Variants in ADAMTSL1 observed in about 807,000 individuals in gnomAD.
ADAMTSL1 encodes the protein ADAMTS-like protein 1.
A neutral mutation model predicts 201.8 loss-of-function variants in ADAMTSL1; 126 were observed. The observed-to-expected ratio is 0.62, with a 90% CI of 0.54 to 0.72. The LOEUF (loss-of-function observed/expected upper bound fraction) is 0.72. ADAMTSL1 is among the 30% of genes least tolerant of loss of function. The pLI is 0.00. For missense variants in ADAMTSL1, 2,679 were observed against 2,277.8 expected (o/e 1.18, Z -3.59); for synonymous variants, 1,121 against 903.4 (o/e 1.24, Z -4.32).
chr9:18,007,002 A>G (rs1819855196), intron 1 of ADAMTSL1, among the ~76,000 whole-genome samples: 1 of 152,050 alleles, frequency 6.6e-6, no homozygotes, highest in Non-Finnish European at 1.5e-5. Flanking sequence ...CTCATTTTTA[A>G]AGTGGTAGAA....
At chr9:18,200,330 T>C (rs911119742) in intron 2 of ADAMTSL1, among the ~76,000 whole-genome samples, 1 of 152,088 alleles carries the variant, frequency 6.6e-6, no homozygotes, top group Non-Finnish European at 1.5e-5. Flanking sequence ...AATGTTTTGC[T>C]TTGATTATTA....
chr9:18,595,674 C>G (rs557656149), intron 4 of ADAMTSL1, among the ~76,000 whole-genome samples: 1 of 152,222 alleles, frequency 6.6e-6, no homozygotes. Flanking sequence ...GGGCAAATTT[C>G]GGGTCCACTG....
intron 1 of ADAMTSL1, among the ~76,000 whole-genome samples, chr9:18,489,954 A>T (rs1475921119): frequency 6.6e-6 from 1 of 152,180 alleles, no homozygotes; most frequent in African/African-American, 2.4e-5. Flanking sequence ...TAGTAGTATT[A>T]TGAGGATCAA....
chr9:18,802,947 A>G (rs906793675), intron 20 of ADAMTSL1, among the ~76,000 whole-genome samples: 2 of 152,218 alleles, frequency 1.3e-5, no homozygotes, highest in Non-Finnish European at 2.9e-5. Flanking sequence ...TTACATTTTA[A>G]TATTGACTAA....
chr9:18,199,628 T>G (rs1432841438), intron 2 of ADAMTSL1, among the ~76,000 whole-genome samples: 4 of 152,102 alleles, frequency 2.6e-5, no homozygotes, highest in Non-Finnish European at 5.9e-5. Flanking sequence ...TGGCTTAAAG[T>G]CCAAAGCTGG....
At chr9:18,599,624 A>C (rs145899119) in intron 4 of ADAMTSL1, among the ~76,000 whole-genome samples, 203 of 152,186 alleles carry the variant, frequency 1.3e-3, no homozygotes, top group African/African-American at 4.7e-3. Context: ...TCAAAGTATC[A>C]TTTTTTAGTT....
At chr9:18,606,052 G>T (rs1824991161) in intron 4 of ADAMTSL1, among the ~76,000 whole-genome samples, 2 of 152,160 alleles carry the variant, frequency 1.3e-5, no homozygotes. Flanking sequence ...TTTTGGCAGG[G>T]CTTGGCGAGA....
At chr9:18,347,065 T>G (rs1312682130) in intron 2 of ADAMTSL1, among the ~76,000 whole-genome samples, 1 of 152,170 alleles carries the variant, frequency 6.6e-6, no homozygotes, top group Non-Finnish European at 1.5e-5. Flanking sequence ...TTGACTCAAT[T>G]CCTCCAAGCT....
chr9:18,413,760 G>A (rs191929843), intron 2 of ADAMTSL1, among the ~76,000 whole-genome samples: 103 of 152,214 alleles, frequency 6.8e-4, no homozygotes, highest in African/African-American at 2.4e-3. Flanking sequence ...TGGTTGTAAA[G>A]TCTCTTTCCT....
At chr9:18,290,983 T>C (rs10963558) in intron 2 of ADAMTSL1, among the ~76,000 whole-genome samples, 1 of 151,906 alleles carries the variant, frequency 6.6e-6, no homozygotes, top group African/African-American at 2.4e-5. Context: ...GGGTTTCACC[T>C]TGTTAGCCAG....
intron 20 of ADAMTSL1, among the ~76,000 whole-genome samples, chr9:18,801,103 G>C (rs2063334853): frequency 6.6e-6 from 1 of 152,186 alleles, no homozygotes. Context: ...CAAGTGCTAA[G>C]GGCCCTGTAA....
intron 1 of ADAMTSL1, among the ~76,000 whole-genome samples, chr9:17,908,086 G>T (rs898316025): frequency 1.3e-5 from 2 of 152,092 alleles, no homozygotes; most frequent in South Asian, 4.2e-4. Flanking sequence ...GGCTGAGAGA[G>T]GACCGAGAAT....
intron 1 of ADAMTSL1, among the ~76,000 whole-genome samples, chr9:18,022,267 G>A (rs1036790634): frequency 6.6e-6 from 1 of 152,116 alleles, no homozygotes; most frequent in Non-Finnish European, 1.5e-5. Flanking sequence ...TGACCTTAGG[G>A]AAGTCATAGA....
chr9:18,727,961 C>A (rs965019231), intron 15 of ADAMTSL1, among the ~76,000 whole-genome samples: 10 of 151,944 alleles, frequency 6.6e-5, no homozygotes, highest in Non-Finnish European at 1.3e-4. Flanking sequence ...GCCCCTGTAA[C>A]CCCAGCTACT....
chr9:18,351,968 A>G (rs1055862898), intron 2 of ADAMTSL1, among the ~76,000 whole-genome samples: 1 of 152,160 alleles, frequency 6.6e-6, no homozygotes, highest in African/African-American at 2.4e-5. Context: ...ATTACAGTCA[A>G]TCACTCCGTA....
chr9:18,220,701 C>G (rs1830223872), intron 2 of ADAMTSL1, among the ~76,000 whole-genome samples: 1 of 151,950 alleles, frequency 6.6e-6, no homozygotes, highest in Non-Finnish European at 1.5e-5. Context: ...CATTGTGACC[C>G]AATTTCCTCA....
chr9:18,517,432 T>C (rs1818422551), intron 2 of ADAMTSL1, among the ~76,000 whole-genome samples: 3 of 151,324 alleles, frequency 2.0e-5, no homozygotes, highest in Admixed American at 2.0e-4. Flanking sequence ...TTTTTTTTTA[T>C]TATACTTTAA....
intron 23 of ADAMTSL1, among the ~76,000 whole-genome samples, chr9:18,864,992 A>T (rs1827421033): frequency 6.6e-6 from 1 of 151,054 alleles, no homozygotes; most frequent in Non-Finnish European, 1.5e-5. Context: ...TCAATCACAC[A>T]TTTTTTTTCT....
intron 2 of ADAMTSL1, among the ~76,000 whole-genome samples, chr9:18,449,726 G>C (rs979310060): frequency 1.3e-5 from 2 of 152,102 alleles, no homozygotes; most frequent in African/African-American, 4.8e-5. Flanking sequence ...GATCTAAACA[G>C]AAAATAGATA....
Sources: gnomAD v4.1 joint callset for allele counts (sites outside exome capture counted in the v4.1 genomes callset) on GRCh38, gnomAD v4.1.1 for gene constraint, MANE v1.5 for transcripts, NCBI Gene and HGNC (gene_info 2026-07-23, HGNC 2026-07-21) for gene names.